TERB1: variants seen among roughly 807,000 people sequenced by gnomAD.
TERB1 encodes telomere repeat binding bouquet formation protein 1.
In TERB1, 63 loss-of-function variants were observed where a neutral mutation model predicts 92.3. That is an observed-to-expected ratio of 0.68 (90% CI 0.56 to 0.84). The LOEUF is 0.84. Ranked by LOEUF, TERB1 falls within the 40% of genes least tolerant of loss-of-function variation. The pLI is 0.00. For missense variants in TERB1, 709 were observed against 843.7 expected (o/e 0.84, Z 1.98); for synonymous variants, 252 against 283.9 (o/e 0.89, Z 1.13).
At position 66,778,928 on chromosome 16, in the gene TERB1, G is replaced by C. The variant is rs1486630801; in HGVS notation, c.788C>G (p.Thr263Ser). The C allele has an allele frequency of 6.5e-7, 1 of 1,537,738 alleles. No individual in the cohort carries two copies. The highest frequency in any genetic ancestry group is 1.2e-5 in the South Asian group (1 of 83,018). ...LMQLESDSHE[T>S]LSSAKLAVVV... The stretch of plus-strand genomic sequence containing the variant: ...CACTGCAAGTTTAGCACTGGAAAGA[G>C]TCTCATGTGAATCAGATTCCAGCTG... Residue 263 changes from threonine to serine, a missense_variant, in exon 10 of 19, where the codon ACT becomes AGT. Thr to Ser is a moderately conservative substitution (Grantham distance 58). Coordinates refer to ENST00000433154, the MANE Select transcript of TERB1 (RefSeq NM_001136505.2).
intron 9 of TERB1, among the ~76,000 whole-genome samples, chr16:66,781,311 C>T (rs1037406873): frequency 1.6e-4 from 25 of 152,288 alleles, no homozygotes; most frequent in African/African-American, 6.0e-4. Context: ...CCCTCCTTGG[C>T]CTTCCAAAGC....
At chr16:66,756,601 A>G (rs1373982519) in intron 18 of TERB1, among the ~76,000 whole-genome samples, 2 of 152,148 alleles carry the variant, frequency 1.3e-5, no homozygotes, top group South Asian at 2.1e-4. Context: ...ATAGGTTTCA[A>G]CTTCCCTTGC....
intron 16 of TERB1, among the ~76,000 whole-genome samples, chr16:66,759,525 C>T (rs1367492077): frequency 6.6e-6 from 1 of 151,980 alleles, no homozygotes; most frequent in Non-Finnish European, 1.5e-5. Context: ...CTAGGCCGGC[C>T]ACGGTGGCTC....
intron 9 of TERB1, among the ~76,000 whole-genome samples, chr16:66,779,519 A>G (rs2018601894): frequency 6.6e-6 from 1 of 152,144 alleles, no homozygotes; most frequent in Non-Finnish European, 1.5e-5. Flanking sequence ...GACCACTTGA[A>G]CCTGGGAGGC....
At chr16:66,777,087 G>T (rs2018560756) in intron 11 of TERB1, 116 bp downstream of exon 11, 3 of 958,054 alleles carry the variant, frequency 3.1e-6, no homozygotes, top group East Asian at 5.3e-5. Context: ...AGGTCTGAAT[G>T]ACTAGGAGAA....
chr16:66,756,390 T>C (rs2018139893), intron 18 of TERB1, among the ~76,000 whole-genome samples: 4 of 152,266 alleles, frequency 2.6e-5, no homozygotes, highest in Admixed American at 2.6e-4. Context: ...TTATTTAGAA[T>C]GTAAGCTCCA....
chr16:66,755,572 C>T (rs926091503), intron 18 of TERB1, among the ~76,000 whole-genome samples: 1 of 152,024 alleles, frequency 6.6e-6, no homozygotes, highest in Non-Finnish European at 1.5e-5. Flanking sequence ...GTCAGAAGTT[C>T]GAGACCAGCC....
In TERB1 at chr16:66,768,227, A is replaced by G. The variant is rs928102379; in HGVS notation, c.1620-59T>C. The G allele has an allele frequency of 3.1e-6, 4 of 1,279,664 alleles. No homozygotes were observed. In the African/African-American group the frequency reaches 6.0e-5, roughly 19 times the overall value. The allele number at this position is 1,279,664 out of a possible 1,614,324, so 79.3% of individuals were successfully genotyped here. A position where few individuals can be genotyped will look rare whatever the true frequency, so the allele number is the denominator to read the frequency against. ...AAACATACTGTTTGGTGTGCGGACC[A>G]ATGTTTCTGTAAGCAGTGTTGTGAT... On this transcript the variant is annotated intron_variant, in intron 14 of 18. Transcript: ENST00000433154.
At chr16:66,767,533 G>T in intron 15 of TERB1, 23 bp from the exon 16 acceptor site, 10 of 985,452 alleles carry the variant, frequency 1.0e-5, no homozygotes, top group Admixed American at 6.2e-5. Context: ...GCAAAATGAA[G>T]GATTTTTGGA....
rs946061877 is a variant in TERB1 at position 66,772,803 on chromosome 16, A to G, written c.1112-54T>C. 128 of 1,373,834 alleles carry G rather than the reference A, an allele frequency of 9.3e-5. 1 individual carries two copies. The highest frequency in any genetic ancestry group is 1.5e-5 in the African/African-American group (1 of 68,174). 85.1% of individuals were successfully genotyped at this position (1,373,834 alleles called of 1,614,324 possible). A position where few individuals can be genotyped will look rare whatever the true frequency, so the allele number is the denominator to read the frequency against. ...GAAAAGTTATTTAAACACTTTATAT[A>G]TAAGGACAACTTCACAGCCCACCCT... On this transcript the variant is annotated intron_variant, in intron 12 of 18. Coordinates refer to ENST00000433154, the MANE Select transcript of TERB1 (RefSeq NM_001136505.2).
At chr16:66,784,757 T>A (rs2018696784) in intron 9 of TERB1, among the ~76,000 whole-genome samples, 1 of 149,808 alleles carries the variant, frequency 6.7e-6, no homozygotes, top group Non-Finnish European at 1.5e-5. Context: ...AATTTTTTTT[T>A]TTTTTTTTTT....
At chr16:66,763,404 C>T (rs1439157628) in intron 16 of TERB1, among the ~76,000 whole-genome samples, 2 of 152,254 alleles carry the variant, frequency 1.3e-5, no homozygotes, top group South Asian at 2.1e-4. Context: ...TGATTGCATC[C>T]TAGTTGTGTC....
intron 5 of TERB1, among the ~76,000 whole-genome samples, chr16:66,789,235 A>G (rs2018780022): frequency 6.6e-6 from 1 of 151,974 alleles, no homozygotes; most frequent in South Asian, 2.1e-4. Context: ...AAAACATCTC[A>G]TGTACCCTAT....
intron 13 of TERB1, among the ~76,000 whole-genome samples, chr16:66,771,795 G>A (rs1432232618): frequency 6.6e-6 from 1 of 152,064 alleles, no homozygotes; most frequent in African/African-American, 2.4e-5. Flanking sequence ...CTGCAATAGT[G>A]AATACTACTC....
intron 9 of TERB1, among the ~76,000 whole-genome samples, chr16:66,780,009 G>A (rs546293039): frequency 1.3e-5 from 2 of 152,072 alleles, no homozygotes; most frequent in African/African-American, 2.4e-5. Flanking sequence ...GACTACAGGC[G>A]TGCACCACCA....
At chr16:66,792,331 G>C (rs1477055266) in intron 3 of TERB1, among the ~76,000 whole-genome samples, 39 of 152,136 alleles carry the variant, frequency 2.6e-4, no homozygotes, top group Non-Finnish European at 1.5e-5. Flanking sequence ...ACTTAACAGG[G>C]AGAGACTGAA....
chr16:66,799,631 G>C (rs1327678456), intron 2 of TERB1, among the ~76,000 whole-genome samples: 1 of 152,008 alleles, frequency 6.6e-6, no homozygotes, highest in Non-Finnish European at 1.5e-5. Context: ...CTTATAAATG[G>C]TTACTTTGCA....
chr16:66,771,052 T>C (rs1180125248), intron 13 of TERB1, among the ~76,000 whole-genome samples: 2 of 152,070 alleles, frequency 1.3e-5, no homozygotes, highest in Non-Finnish European at 2.9e-5. Flanking sequence ...GGTTTTGCCA[T>C]GTTGCCCAAG....
chr16:66,798,562 T>G (rs1263633598), intron 2 of TERB1, among the ~76,000 whole-genome samples: 1 of 152,208 alleles, frequency 6.6e-6, no homozygotes, highest in Admixed American at 6.5e-5. Context: ...TACAAGAATA[T>G]TCACATTTAC....
Sources: allele counts gnomAD v4.1 joint callset (sites outside exome capture counted in the v4.1 genomes callset), GRCh38; gene constraint gnomAD v4.1.1; transcripts MANE v1.5; gene names NCBI Gene and HGNC (gene_info 2026-07-23, HGNC 2026-07-21).